Variants in EPHA5 observed in about 807,000 individuals in gnomAD.
EPHA5 encodes the protein ephrin type-A receptor 5.
A neutral mutation model predicts 105.0 loss-of-function variants in EPHA5; 60 were observed. That is an observed-to-expected ratio of 0.57 (90% CI 0.46 to 0.71). The LOEUF is 0.71. Among genes scored for constraint, EPHA5 ranks in the 30% least tolerant of loss-of-function variants. The probability of loss-of-function intolerance (pLI) is 0.00; values close to 1 mark genes in which losing one functional copy is unlikely to be tolerated. For missense variants in EPHA5, 1,218 were observed against 1,274.7 expected, an observed-to-expected ratio of 0.96 and a Z score of 0.68; for synonymous variants, 513 against 449.1, an observed-to-expected ratio of 1.14 and a Z score of -1.80.
intron 3 of EPHA5, among the ~76,000 whole-genome samples, chr4:65,500,001 T>A (rs1158077483): frequency 1.3e-5 from 2 of 151,058 alleles, no homozygotes; most frequent in African/African-American, 2.4e-5. Flanking sequence ...TTCACACCCA[T>A]GAAGATACAA....
Position 65,656,208 on chromosome 4 carries a change from C to A in EPHA5, c.182-12781G>T, listed in dbSNP as rs1749049430. 3.5e-5 allele frequency among the ~76,000 whole-genome samples: 5 copies of A among 142,974 alleles called. No individual in the cohort carries two copies. In the Admixed American group the frequency reaches 3.5e-4, roughly 10 times the overall value. 93.8% of individuals were successfully genotyped at this position (142,974 alleles called of 152,430 possible). A position where few individuals can be genotyped will look rare whatever the true frequency, so the allele number is the denominator to read the frequency against. ...CTATGGCTTTCTACAATGACTCATACAAGAATCCATCAGATAATCAGTGAA... is the reference window on the plus strand; with the variant it reads ...CTATGGCTTTCTACAATGACTCATAAAAGAATCCATCAGATAATCAGTGAA... On this transcript the variant is annotated intron_variant, in intron 1 of 16. Transcript: ENST00000613740.
intron 7 of EPHA5, among the ~76,000 whole-genome samples, chr4:65,411,995 A>T (rs1722955847): frequency 6.6e-6 from 1 of 152,170 alleles, no homozygotes; most frequent in Admixed American, 6.5e-5. Context: ...TTGGGAGGCC[A>T]AGGCAAGCAG....
chr4:65,602,044 G>C lies in EPHA5; in HGVS notation c.507C>G (p.Asn169Lys). ...CAATGGTATCAATTTTGATGTATTGGTTTTCCTTGATGTTTCTCCCATTCT... is the reference window on the plus strand; with the variant it reads ...CAATGGTATCAATTTTGATGTATTGCTTTTCCTTGATGTTTCTCCCATTCT... ...DDQNGRNIKE[N>K]QYIKIDTIAA... The change falls in exon 3 of 17, where the codon AAC becomes AAG. Residue 169 changes from asparagine to lysine, a missense_variant. Physicochemically the swap from Asn to Lys is moderately conservative, Grantham distance 94 (BLOSUM62 0). Transcript: ENST00000613740. The C allele has an allele frequency of 1.9e-6, 3 of 1,614,040 alleles. No homozygotes were observed. Among genetic ancestry groups the C allele is most frequent in the Non-Finnish European group, 2.5e-6 (3 of 1,179,996 alleles).
intron 8 of EPHA5, among the ~76,000 whole-genome samples, chr4:65,394,560 G>T (rs1273424260): frequency 6.6e-6 from 1 of 152,150 alleles, no homozygotes; most frequent in Non-Finnish European, 1.5e-5. Flanking sequence ...CATCTTTTTA[G>T]TATGCTCAAT....
At chr4:65,428,436 A>G (rs1229659740) in intron 5 of EPHA5, among the ~76,000 whole-genome samples, 3 of 152,134 alleles carry the variant, frequency 2.0e-5, no homozygotes, top group Non-Finnish European at 4.4e-5. Flanking sequence ...TCTGTACTAA[A>G]GAAAGAAGGT....
At chr4:65,367,482 A>G in intron 8 of EPHA5, 58 bp from the exon 9 acceptor site, 1 of 1,500,616 alleles carries the variant, frequency 6.7e-7, no homozygotes, top group South Asian at 1.1e-5. Flanking sequence ...AGTCACATCA[A>G]GCCCAGAAGC....
chr4:65,641,970 T>A (rs1747709988), intron 2 of EPHA5, among the ~76,000 whole-genome samples: 1 of 152,108 alleles, frequency 6.6e-6, no homozygotes, highest in African/African-American at 2.4e-5. Flanking sequence ...TGAGTAATTG[T>A]CTTCAAATGT....
intron 8 of EPHA5, among the ~76,000 whole-genome samples, chr4:65,391,721 C>T (rs1399406209): frequency 6.6e-6 from 1 of 152,202 alleles, no homozygotes; most frequent in Non-Finnish European, 1.5e-5. Flanking sequence ...CCAGCCTGTA[C>T]TCTTTCAGAT....
intron 8 of EPHA5, among the ~76,000 whole-genome samples, chr4:65,380,351 C>T (rs1454487364): frequency 6.6e-6 from 1 of 151,694 alleles, no homozygotes; most frequent in Non-Finnish European, 1.5e-5. Context: ...TTTTCAGACC[C>T]AAAGAAGATT....
At chr4:65,583,041 A>T (rs923020786) in intron 3 of EPHA5, among the ~76,000 whole-genome samples, 1 of 151,596 alleles carries the variant, frequency 6.6e-6, no homozygotes, top group African/African-American at 2.4e-5. Context: ...AATTTTAGGC[A>T]ATAGGTATGT....
intron 3 of EPHA5, chr4:65,573,651 A>T (rs1447396946): frequency 6.2e-7 from 1 of 1,601,774 alleles, no homozygotes; most frequent in African/African-American, 1.3e-5. Flanking sequence ...CATGTATTCC[A>T]GAAAGGCCAT....
chr4:65,453,858 C>A (rs902138755), intron 5 of EPHA5, among the ~76,000 whole-genome samples: 1 of 152,148 alleles, frequency 6.6e-6, no homozygotes, highest in African/African-American at 2.4e-5. Context: ...AGTTTATTTT[C>A]TTTCATTCCT....
Position 65,396,864 on chromosome 4 carries a change from T to G in EPHA5, c.1793+7510A>C, listed in dbSNP as rs575316216. ...CAGGCCATGGCACCAGATAGTACTTTAGAGAACCTCCTGAAAGTGGCCACC... is the reference window on the plus strand; with the variant it reads ...CAGGCCATGGCACCAGATAGTACTTGAGAGAACCTCCTGAAAGTGGCCACC... On this transcript the variant is annotated intron_variant, in intron 8 of 16. Coordinates refer to ENST00000613740, the MANE Select transcript of EPHA5 (RefSeq NM_001281766.3). Among the ~76,000 whole-genome samples, 16 of 152,208 alleles carry G rather than the reference T, an allele frequency of 1.1e-4. No homozygotes were observed. The South Asian group carries it at 3.3e-3, about 32-fold the overall frequency.
intron 9 of EPHA5, among the ~76,000 whole-genome samples, chr4:65,366,516 A>G (rs189774636): frequency 1.4e-3 from 212 of 152,040 alleles, no homozygotes; most frequent in African/African-American, 4.8e-3. Flanking sequence ...ATATAAGTCA[A>G]AAGAAAGTAT....
At chr4:65,608,411 G>A (rs1397397796) in intron 2 of EPHA5, among the ~76,000 whole-genome samples, 2 of 152,054 alleles carry the variant, frequency 1.3e-5, no homozygotes, top group Admixed American at 6.5e-5. Context: ...GGCTGAGGCA[G>A]GAGAATGGCA....
chr4:65,330,983 G>A lies in EPHA5; in HGVS notation c.2945+990C>T, dbSNP rs1424518055. On this transcript the variant is annotated intron_variant, in intron 16 of 16. Coordinates refer to ENST00000613740, the MANE Select transcript of EPHA5 (RefSeq NM_001281766.3). ...GTACCCTGTTACCTTCTGTGGGGAG[G>A]AACAATGAATTCAATGAATCAAAGA... 1.8e-5 allele frequency: 19 copies of A among 1,045,280 alleles called. No individual in the cohort carries two copies. In the East Asian group the frequency reaches 1.0e-3, roughly 55 times the overall value. 64.8% of individuals were successfully genotyped at this position (1,045,280 alleles called of 1,614,324 possible).
At chr4:65,445,296 G>T (rs559525517) in intron 5 of EPHA5, among the ~76,000 whole-genome samples, 5 of 152,148 alleles carry the variant, frequency 3.3e-5, no homozygotes, top group East Asian at 1.9e-4. Context: ...ATCTAATCCA[G>T]TATGTGACTA....
At chr4:65,588,484 T>C (rs1742332009) in intron 3 of EPHA5, among the ~76,000 whole-genome samples, 1 of 152,130 alleles carries the variant, frequency 6.6e-6, no homozygotes, top group African/African-American at 2.4e-5. Context: ...AGGGGAACAG[T>C]CTGGCTGGTC....
intron 3 of EPHA5, among the ~76,000 whole-genome samples, chr4:65,521,984 C>A (rs1195137649): frequency 6.6e-6 from 1 of 151,876 alleles, no homozygotes; most frequent in Non-Finnish European, 1.5e-5. Context: ...TTAACTTTTC[C>A]CTTCACTTTA....
Sources: gnomAD v4.1 joint callset for allele counts (sites outside exome capture counted in the v4.1 genomes callset) on GRCh38, gnomAD v4.1.1 for gene constraint, MANE v1.5 for transcripts, NCBI Gene and HGNC (gene_info 2026-07-23, HGNC 2026-07-21) for gene names.